RABGAP1L: variants seen among roughly 807,000 people sequenced by gnomAD.
RABGAP1L encodes the protein RAB GTPase activating protein 1 like, also known as rab GTPase-activating protein 1-like.
A neutral mutation model predicts 137.7 loss-of-function variants in RABGAP1L; 63 were observed. The ratio of observed to expected loss-of-function variants is 0.46; its 90% CI spans 0.37 to 0.56. RABGAP1L has a LOEUF of 0.56. Among genes scored for constraint, RABGAP1L ranks in the 20% least tolerant of loss-of-function variants. RABGAP1L has a pLI of 0.00. For missense variants in RABGAP1L, 1,095 were observed against 1,244.0 expected, an observed-to-expected ratio of 0.88 and a Z score of 1.80; for synonymous variants, 431 against 433.7, an observed-to-expected ratio of 0.99 and a Z score of 0.08.
intron 18 of RABGAP1L, among the ~76,000 whole-genome samples, chr1:174,797,329 C>T (rs183392859): frequency 3.7e-4 from 56 of 152,208 alleles, no homozygotes; most frequent in Admixed American, 9.2e-4. Flanking sequence ...AGGATGTTCC[C>T]TTGTTCTTAA....
intron 13 of RABGAP1L, among the ~76,000 whole-genome samples, chr1:174,622,465 C>A (rs1343949847): frequency 6.6e-6 from 1 of 152,156 alleles, no homozygotes; most frequent in Non-Finnish European, 1.5e-5. Context: ...AAATGTCCAA[C>A]AATGATAGAC....
intron 19 of RABGAP1L, among the ~76,000 whole-genome samples, chr1:174,955,259 A>G (rs1398395061): frequency 2.0e-5 from 3 of 152,220 alleles, no homozygotes; most frequent in African/African-American, 7.2e-5. Flanking sequence ...ACATTCCCCC[A>G]TCAGCCAGAT....
intron 11 of RABGAP1L, among the ~76,000 whole-genome samples, chr1:174,357,609 T>A (rs909975400): frequency 1.3e-5 from 2 of 152,156 alleles, no homozygotes; most frequent in African/African-American, 4.8e-5. Flanking sequence ...TTATATGTAT[T>A]ATAGTAGAAG....
intron 13 of RABGAP1L, among the ~76,000 whole-genome samples, chr1:174,602,263 A>C (rs560739210): frequency 3.3e-5 from 5 of 152,344 alleles, no homozygotes; most frequent in African/African-American, 9.6e-5. Flanking sequence ...CATTGCTGAG[A>C]AGGCCTCAGA....
chr1:174,428,122 C>T (rs1026581330), intron 13 of RABGAP1L, among the ~76,000 whole-genome samples: 10 of 152,126 alleles, frequency 6.6e-5, no homozygotes, highest in Non-Finnish European at 1.5e-4. Context: ...GTAAGCCATA[C>T]ATCATTTTTA....
intron 11 of RABGAP1L, chr1:174,367,869 G>T: frequency 6.4e-6 from 1 of 157,056 alleles, no homozygotes; most frequent in South Asian, 2.0e-4. Flanking sequence ...CTAAATTGCT[G>T]GAGTCTTCTG....
chr1:174,449,003 C>G (rs1178399758), intron 13 of RABGAP1L: 3 of 1,613,308 alleles, frequency 1.9e-6, no homozygotes, highest in Non-Finnish European at 2.5e-6. Flanking sequence ...CAATCCAACT[C>G]TGTCCTTCTT....
chr1:174,973,732 C>T (rs1670370231), intron 21 of RABGAP1L, among the ~76,000 whole-genome samples: 1 of 151,816 alleles, frequency 6.6e-6, no homozygotes, highest in Non-Finnish European at 1.5e-5. Flanking sequence ...TTTTAGATGG[C>T]TCTCCAAGAG....
chr1:174,846,381 T>G (rs1694051324), intron 19 of RABGAP1L, among the ~76,000 whole-genome samples: 1 of 151,752 alleles, frequency 6.6e-6, no homozygotes, highest in Non-Finnish European at 1.5e-5. Context: ...TAAATTTCCC[T>G]CTACACACTG....
At chr1:174,891,109 G>A (rs899014980) in intron 19 of RABGAP1L, among the ~76,000 whole-genome samples, 1 of 152,142 alleles carries the variant, frequency 6.6e-6, no homozygotes, top group East Asian at 1.9e-4. Flanking sequence ...GTGTATATCT[G>A]TGCCTATTTA....
Position 174,964,341 on chromosome 1 carries a change from C to T in RABGAP1L, c.2434-4936C>T, listed in dbSNP as rs78993007. Among the ~76,000 whole-genome samples the T allele has an allele frequency of 4.2e-3, 637 of 152,220 alleles. 7 individuals are homozygous for T. Among genetic ancestry groups the T allele is most frequent in the African/African-American group, 0.013 (521 of 41,532 alleles). On this transcript the variant is annotated intron_variant, in intron 20 of 25. Transcript: ENST00000681986. Reference sequence around the variant, plus strand: ...AATATTGAGCTAGGGTTTATAAAGCCGCCTCCCTCCTCGTCATTTTTTCCT... The same window carrying T: ...AATATTGAGCTAGGGTTTATAAAGCTGCCTCCCTCCTCGTCATTTTTTCCT...
At chr1:174,681,308 G>T (rs1367856758) in intron 14 of RABGAP1L, among the ~76,000 whole-genome samples, 2 of 152,170 alleles carry the variant, frequency 1.3e-5, no homozygotes, top group African/African-American at 4.8e-5. Flanking sequence ...GGAAACAGAG[G>T]AATGAATAAA....
chr1:174,346,304 C>T (rs114964948), intron 11 of RABGAP1L, among the ~76,000 whole-genome samples: 1,819 of 152,144 alleles, frequency 0.012, 17 homozygotes, highest in Middle Eastern at 0.058. Flanking sequence ...TGAAATAGTT[C>T]CAATGGGATT....
intron 13 of RABGAP1L, among the ~76,000 whole-genome samples, chr1:174,504,191 T>TC (rs1661606353): frequency 6.6e-6 from 1 of 151,910 alleles, no homozygotes; most frequent in Non-Finnish European, 1.5e-5. Context: ...CAGGCTTGTC[T>TC]CCAACTCTTG....
At chr1:174,176,741 A>AATAATAAAAT (rs1553248316) in intron 1 of RABGAP1L, among the ~76,000 whole-genome samples, 1 of 111,778 alleles carries the variant, frequency 8.9e-6, no homozygotes, top group African/African-American at 3.6e-5. Context: ...AAAAAAAAAA[A>AATAATAAAAT]AAAAAGGTCA....
intron 17 of RABGAP1L, among the ~76,000 whole-genome samples, chr1:174,726,708 C>T (rs1483531853): frequency 1.3e-5 from 2 of 151,786 alleles, no homozygotes; most frequent in Non-Finnish European, 2.9e-5. Context: ...TGTATGGTGC[C>T]ATCTGCTGTT....
intron 13 of RABGAP1L, among the ~76,000 whole-genome samples, chr1:174,621,781 A>T (rs899571390): frequency 6.6e-6 from 1 of 152,210 alleles, no homozygotes; most frequent in East Asian, 1.9e-4. Context: ...ACCATTGAGG[A>T]CATAGGCATG....
chr1:174,755,282 A>G (rs980988393), intron 18 of RABGAP1L, among the ~76,000 whole-genome samples: 5 of 152,250 alleles, frequency 3.3e-5, no homozygotes, highest in African/African-American at 1.2e-4. Flanking sequence ...ACTAGGCAGC[A>G]TCATGAAATC....
intron 13 of RABGAP1L, among the ~76,000 whole-genome samples, chr1:174,402,922 G>C (rs931447995): frequency 6.6e-6 from 1 of 152,110 alleles, no homozygotes; most frequent in African/African-American, 2.4e-5. Flanking sequence ...TGACAGAACT[G>C]TGTGTGTACT....
Sources: gnomAD v4.1 joint callset for allele counts (sites outside exome capture counted in the v4.1 genomes callset) on GRCh38, gnomAD v4.1.1 for gene constraint, MANE v1.5 for transcripts, NCBI Gene and HGNC (gene_info 2026-07-23, HGNC 2026-07-21) for gene names.